Variants in CRBN observed in about 807,000 individuals in gnomAD.
CRBN encodes the protein protein cereblon.
A neutral mutation model predicts 62.2 loss-of-function variants in CRBN; 53 were observed. The observed-to-expected ratio is 0.85, with a 90% CI of 0.68 to 1.07. CRBN has a LOEUF of 1.07. Among genes scored for constraint, CRBN ranks in the 50% least tolerant of loss-of-function variants. The pLI is 0.00. For synonymous variants in CRBN, 208 were observed against 176.1 expected (o/e 1.18, Z -1.43); for missense variants, 616 against 531.1 (o/e 1.16, Z -1.57).
intron 4 of CRBN, among the ~76,000 whole-genome samples, chr3:3,170,305 A>G (rs1458615817): frequency 6.6e-6 from 1 of 152,154 alleles, no homozygotes; most frequent in African/African-American, 2.4e-5. Flanking sequence ...TTAATAAATG[A>G]AGTGTCATTT....
rs1007057515 is a variant in CRBN at position 3,168,337 on chromosome 3, T to C, written c.528-544A>G. On this transcript the variant is annotated intron_variant, in intron 4 of 10. Coordinates refer to ENST00000231948, the MANE Select transcript of CRBN (RefSeq NM_016302.4). ...CTTTCTGTGTGCATTCCTTTTCACGTTCTTAAGAGTTTAACTGTACAAAGG... is the reference window on the plus strand; with the variant it reads ...CTTTCTGTGTGCATTCCTTTTCACGCTCTTAAGAGTTTAACTGTACAAAGG... Among the ~76,000 whole-genome samples the C allele has an allele frequency of 5.3e-5, 8 of 152,202 alleles. No homozygotes were observed. The East Asian group carries it at 1.5e-3, about 29-fold the overall frequency.
downstream of CRBN, chr3:3,149,981 A>C (rs182636108): frequency 1.3e-5 from 2 of 152,178 alleles, no homozygotes; most frequent in African/African-American, 4.8e-5. Context: ...TTATGAGTAG[A>C]TATTTTACAT....
chr3:3,149,749 G>A (rs1348701702), downstream of CRBN: 3 of 152,140 alleles, frequency 2.0e-5, no homozygotes, highest in African/African-American at 7.2e-5. Flanking sequence ...ACATAAATAT[G>A]CAGTGTGACA....
At chr3:3,152,236 C>CT (rs1227283551) in intron 10 of CRBN, among the ~76,000 whole-genome samples, 1 of 151,400 alleles carries the variant, frequency 6.6e-6, no homozygotes, top group Non-Finnish European at 1.5e-5. Flanking sequence ...CTGCAACACT[C>CT]TTGCCTTCCA....
At chr3:3,159,209 T>C (rs879746670) in intron 5 of CRBN, among the ~76,000 whole-genome samples, 10 of 152,146 alleles carry the variant, frequency 6.6e-5, no homozygotes, top group Non-Finnish European at 1.0e-4. Context: ...CTAACATGTG[T>C]CAGGCTATTT....
At position 3,154,806 on chromosome 3, in the gene CRBN, T is replaced by G; in HGVS notation, c.776A>C (p.Lys259Thr). ...DAETLMDRIK[K>T]QLREWDENLK... is the part of the protein sequence containing the mutation. ...ATTTTCATCCCATTCACGTAGCTGTTTCTTGATTCTGTCCATTAAGGTCTC... is the reference window on the plus strand; with the variant it reads ...ATTTTCATCCCATTCACGTAGCTGTGTCTTGATTCTGTCCATTAAGGTCTC... The change falls in exon 7 of 11, where the codon AAA (lysine) becomes ACA (threonine). Residue 259 changes from lysine to threonine, a missense_variant. Physicochemically the swap from Lys to Thr is moderately conservative, Grantham distance 78. Transcript: ENST00000231948. The G allele has an allele frequency of 6.2e-7, 1 of 1,603,458 alleles. No homozygotes were observed. The highest frequency in any genetic ancestry group is 8.5e-7 in the Non-Finnish European group (1 of 1,170,432).
chr3:3,161,164 A>C (rs961803559), intron 5 of CRBN, among the ~76,000 whole-genome samples: 1 of 152,188 alleles, frequency 6.6e-6, no homozygotes, highest in African/African-American at 2.4e-5. Context: ...CACCAAAAAC[A>C]AAAGACAAAA....
chr3:3,157,296 A>G (rs994680376), intron 5 of CRBN, among the ~76,000 whole-genome samples: 3 of 152,242 alleles, frequency 2.0e-5, no homozygotes, highest in Admixed American at 6.5e-5. Context: ...AGAACAAGGT[A>G]TAGCAGAATA....
intron 5 of CRBN, chr3:3,167,400 T>A (rs796774076): frequency 2.0e-5 from 9 of 448,550 alleles, no homozygotes; most frequent in African/African-American, 1.8e-4. Context: ...TTAATATAGC[T>A]GATAAGCATA....
chr3:3,172,990 G>A, intron 3 of CRBN, 65 bp from the exon 4 acceptor site: 1 of 1,233,024 alleles, frequency 8.1e-7, no homozygotes, highest in Non-Finnish European at 1.2e-6. Context: ...TGCAAAGTAG[G>A]CAAAGCAATA....
chr3:3,153,145 C>G (rs1168121037), intron 9 of CRBN: 4 of 400,258 alleles, frequency 1.0e-5, no homozygotes, highest in Non-Finnish European at 1.9e-5. Flanking sequence ...TGAAGACAGT[C>G]TAATATATAG....
chr3:3,175,613 T>C (rs549935735), intron 1 of CRBN, among the ~76,000 whole-genome samples: 2 of 152,354 alleles, frequency 1.3e-5, no homozygotes, highest in Non-Finnish European at 2.9e-5. Flanking sequence ...GGTACATTAC[T>C]CTAACTAAGC....
At chr3:3,154,127 G>C (rs1706768336) in intron 7 of CRBN, 52 bp from the exon 8 acceptor site, 1 of 1,047,524 alleles carries the variant, frequency 9.5e-7, no homozygotes, top group South Asian at 1.3e-5. Flanking sequence ...ATAAGCATCA[G>C]AGAACTTACA....
chr3:3,170,931 T>A (rs1669328), intron 4 of CRBN, among the ~76,000 whole-genome samples: 139,995 of 152,152 alleles, frequency 0.92, 65,532 homozygotes, highest in East Asian at 1. Context: ...TCAGCCTCCC[T>A]AGTAGCTGGG....
chr3:3,152,725 C>G, intron 9 of CRBN, 138 bp from the exon 10 acceptor site: 1 of 1,044,110 alleles, frequency 9.6e-7, no homozygotes, highest in South Asian at 1.4e-5. Flanking sequence ...TATATAATAC[C>G]AGGATCTTAG....
At chr3:3,173,406 G>A (rs1707707065) in intron 3 of CRBN, among the ~76,000 whole-genome samples, 1 of 152,070 alleles carries the variant, frequency 6.6e-6, no homozygotes, top group Non-Finnish European at 1.5e-5. Flanking sequence ...GAAGGACTCA[G>A]GAAGTACAAT....
intron 1 of CRBN, among the ~76,000 whole-genome samples, chr3:3,177,066 G>A (rs1303593732): frequency 6.6e-6 from 1 of 152,164 alleles, no homozygotes; most frequent in Non-Finnish European, 1.5e-5. Context: ...AGAGGCCAGG[G>A]ATGCAGCTAA....
chr3:3,154,803 T>A lies in CRBN; in HGVS notation c.779A>T (p.Gln260Leu). The change falls in exon 7 of 11, where the codon CAG (glutamine) becomes CTG (leucine). Residue 260 changes from glutamine to leucine, a missense_variant. Transcript: ENST00000231948. ...AETLMDRIKK[Q>L]LREWDENLKD... ...TAGATTTTCATCCCATTCACGTAGC[T>A]GTTTCTTGATTCTGTCCATTAAGGT... is the stretch of plus-strand genomic sequence containing the variant. The A allele has an allele frequency of 6.2e-7, 1 of 1,604,204 alleles. No individual in the cohort carries two copies. Among genetic ancestry groups the A allele is most frequent in the South Asian group, 1.1e-5 (1 of 90,834 alleles).
chr3:3,170,666 G>A (rs1403012073), intron 4 of CRBN, among the ~76,000 whole-genome samples: 1 of 152,204 alleles, frequency 6.6e-6, no homozygotes, highest in Non-Finnish European at 1.5e-5. Context: ...AAGTAGTGGA[G>A]CCAAGAGAAA....
Sources: gnomAD v4.1 joint callset for allele counts (sites outside exome capture counted in the v4.1 genomes callset) on GRCh38, gnomAD v4.1.1 for gene constraint, MANE v1.5 for transcripts, NCBI Gene and HGNC (gene_info 2026-07-23, HGNC 2026-07-21) for gene names.